ATP8B4: variants seen among roughly 807,000 people sequenced by gnomAD.
ATP8B4 encodes the protein ATPase phospholipid transporting 8B4 (putative), also known as probable phospholipid-transporting ATPase IM.
Under a neutral mutation model 145.6 loss-of-function variants are expected in ATP8B4, and 133 were observed. The observed-to-expected ratio is 0.91, with a 90% CI of 0.79 to 1.05. The LOEUF (loss-of-function observed/expected upper bound fraction) is 1.05. ATP8B4 is among the 50% of genes least tolerant of loss of function. The probability of loss-of-function intolerance (pLI) is 0.00; values close to 1 mark genes in which losing one functional copy is unlikely to be tolerated. For synonymous variants in ATP8B4, 507 were observed against 492.9 expected (o/e 1.03, Z -0.38); for missense variants, 1,458 against 1,425.2 (o/e 1.02, Z -0.37).
chr15:50,061,228 C>T (rs74012874), intron 3 of ATP8B4, among the ~76,000 whole-genome samples: 6,818 of 151,908 alleles, frequency 0.045, 186 homozygotes, highest in African/African-American at 0.077. Context: ...TTTTTTCCCT[C>T]CACTTTCAAT....
intron 11 of ATP8B4, among the ~76,000 whole-genome samples, chr15:49,980,311 G>A (rs2046041705): frequency 6.6e-6 from 1 of 152,100 alleles, no homozygotes. Context: ...AATACATATT[G>A]AGCTCAGATT....
At chr15:49,941,103 A>G (rs1480531079) in intron 14 of ATP8B4, among the ~76,000 whole-genome samples, 1 of 152,176 alleles carries the variant, frequency 6.6e-6, no homozygotes, top group Non-Finnish European at 1.5e-5. Context: ...AGACATTTAT[A>G]GGGGAGGGGT....
rs77758290 is a variant in ATP8B4 at position 49,962,452 on chromosome 15, A to T, written c.1244-432T>A. On this transcript the variant is annotated intron_variant, in intron 13 of 27. Transcript: ENST00000284509. ...TGGTTTGGGCCAGACACATCTGTGT[A>T]ATATCAAGATCAAATTAGCATGTAA... 3.9e-3 allele frequency among the ~76,000 whole-genome samples: 588 copies of T among 152,328 alleles called. 2 individuals are homozygous for T. Among genetic ancestry groups the T allele is most frequent in the African/African-American group, 0.014 (564 of 41,568 alleles).
chr15:49,974,678 CTT>C (rs967288819), intron 12 of ATP8B4, among the ~76,000 whole-genome samples: 12 of 152,018 alleles, frequency 7.9e-5, no homozygotes, highest in African/African-American at 2.2e-4. Flanking sequence ...CTACATTTTT[CTT>C]TGTTTTTATT....
At chr15:50,040,863 A>G (rs2051224374) in intron 5 of ATP8B4, among the ~76,000 whole-genome samples, 1 of 152,244 alleles carries the variant, frequency 6.6e-6, no homozygotes, top group South Asian at 2.1e-4. Flanking sequence ...CAGGAAAGAA[A>G]GGAAGTAGAG....
At chr15:49,947,657 T>C (rs1044178926) in intron 14 of ATP8B4, among the ~76,000 whole-genome samples, 2 of 151,986 alleles carry the variant, frequency 1.3e-5, no homozygotes, top group Non-Finnish European at 2.9e-5. Flanking sequence ...TGACCCCAGA[T>C]AGCCAAAACT....
intron 6 of ATP8B4, among the ~76,000 whole-genome samples, chr15:50,031,820 C>T (rs2050466220): frequency 6.6e-6 from 1 of 152,178 alleles, no homozygotes; most frequent in Admixed American, 6.5e-5. Context: ...CAGGTCCTTC[C>T]TAGCTGCCTG....
intron 9 of ATP8B4, among the ~76,000 whole-genome samples, chr15:49,994,114 A>G (rs1437893606): frequency 6.6e-6 from 1 of 152,182 alleles, no homozygotes; most frequent in Non-Finnish European, 1.5e-5. Context: ...CCTGAGCAAC[A>G]TCACTTGTAT....
rs1309030361 is a variant in ATP8B4, at chr15:49,858,727, G to C, written c.*1467C>G. On this transcript the variant is annotated 3_prime_UTR_variant, in exon 28 of 28. Transcript: ENST00000284509. ...TCCACGGTTATAATTTTATTTCCCT[G>C]TAGGACCCTAACCAGTTTTATATCT... 1 of 152,134 alleles carries C rather than the reference G, an allele frequency of 6.6e-6. No homozygotes were observed. The highest frequency in any genetic ancestry group is 1.5e-5 in the Non-Finnish European group (1 of 68,018). The allele number at this position is 152,134 out of a possible 1,614,324, so 9.4% of individuals were successfully genotyped here.
At chr15:49,998,866 G>A (rs2047648198) in intron 8 of ATP8B4, among the ~76,000 whole-genome samples, 1 of 152,096 alleles carries the variant, frequency 6.6e-6, no homozygotes, top group Admixed American at 6.6e-5. Context: ...GGTTTTTATG[G>A]TTTTAGGTCT....
chr15:50,108,737 T>C (rs1424139145), intron 1 of ATP8B4, among the ~76,000 whole-genome samples: 1 of 152,158 alleles, frequency 6.6e-6, no homozygotes, highest in African/African-American at 2.4e-5. Flanking sequence ...GCACTTCCTG[T>C]GTGTTCCCGT....
chr15:50,011,115 A>G (rs1034296639), intron 6 of ATP8B4, among the ~76,000 whole-genome samples, 198 bp from the exon 7 acceptor site: 25 of 152,282 alleles, frequency 1.6e-4, no homozygotes, highest in African/African-American at 5.3e-4. Flanking sequence ...ATACCCAGTG[A>G]GTTAGGGGTA....
chr15:49,950,617 AAC>A (rs200005755), intron 14 of ATP8B4, among the ~76,000 whole-genome samples: 813 of 69,796 alleles, frequency 0.012, 20 homozygotes, highest in African/African-American at 0.045. Context: ...CAAACAAACA[AAC>A]AAAAAAAACA....
intron 1 of ATP8B4, among the ~76,000 whole-genome samples, chr15:50,129,332 A>G (rs28435529): frequency 0.03 from 4,495 of 152,274 alleles, 220 homozygotes; most frequent in African/African-American, 0.1. Flanking sequence ...GAAGACCAAA[A>G]TCAAGGTGTT....
intron 14 of ATP8B4, among the ~76,000 whole-genome samples, chr15:49,961,333 CT>C (rs2044057702): frequency 6.6e-6 from 1 of 152,178 alleles, no homozygotes; most frequent in Admixed American, 6.5e-5. Context: ...ATCAGACACT[CT>C]TACACTTGTT....
chr15:49,944,421 A>C (rs562168794), intron 14 of ATP8B4, among the ~76,000 whole-genome samples: 1 of 152,290 alleles, frequency 6.6e-6, no homozygotes, highest in Non-Finnish European at 1.5e-5. Flanking sequence ...AGAGGTGGTC[A>C]TATTTAAAAG....
intron 20 of ATP8B4, among the ~76,000 whole-genome samples, chr15:49,907,689 G>A (rs1246695677): frequency 1.3e-5 from 2 of 152,148 alleles, no homozygotes; most frequent in Non-Finnish European, 2.9e-5. Context: ...TACAAATAAG[G>A]AAACCAAGCA....
At chr15:49,999,522 C>A (rs1213449349) in intron 8 of ATP8B4, among the ~76,000 whole-genome samples, 1 of 151,920 alleles carries the variant, frequency 6.6e-6, no homozygotes, top group Non-Finnish European at 1.5e-5. Flanking sequence ...TACCCTAAAA[C>A]TTAAAGTATA....
intron 1 of ATP8B4, among the ~76,000 whole-genome samples, chr15:50,175,174 T>A (rs8034288): frequency 0.09 from 13,753 of 152,144 alleles, 836 homozygotes; most frequent in African/African-American, 0.16. Context: ...TAAACCTAAG[T>A]CCTGAAACTA....
Sources: gnomAD v4.1 joint callset for allele counts (sites outside exome capture counted in the v4.1 genomes callset) on GRCh38, gnomAD v4.1.1 for gene constraint, MANE v1.5 for transcripts, NCBI Gene and HGNC (gene_info 2026-07-23, HGNC 2026-07-21) for gene names.